UHRF1: variants seen among roughly 807,000 people sequenced by gnomAD.
UHRF1 encodes E3 ubiquitin-protein ligase UHRF1.
In UHRF1, 9 loss-of-function variants were observed where a neutral mutation model predicts 96.5. The ratio of observed to expected loss-of-function variants is 0.09; its 90% CI spans 0.06 to 0.16. The LOEUF (loss-of-function observed/expected upper bound fraction) is 0.16, where lower values mean the gene tolerates loss of function less well. UHRF1 is among the 10% of genes least tolerant of loss of function. The pLI is 1.00. For missense variants in UHRF1, 626 were observed against 1,131.1 expected, an observed-to-expected ratio of 0.55 and a Z score of 6.40; for synonymous variants, 455 against 469.9, an observed-to-expected ratio of 0.97 and a Z score of 0.41.
chr19:4,943,619 G>A (rs532978762), intron 7 of UHRF1, among the ~76,000 whole-genome samples: 1 of 151,908 alleles, frequency 6.6e-6, no homozygotes, highest in African/African-American at 2.4e-5. Flanking sequence ...TGCAAGATCC[G>A]TGGAATTCTC....
intron 16 of UHRF1, among the ~76,000 whole-genome samples, 152 bp from the exon 17 acceptor site, chr19:4,960,505 A>G (rs2033960565): frequency 6.6e-6 from 1 of 152,178 alleles, no homozygotes; most frequent in African/African-American, 2.4e-5. Flanking sequence ...TAGGGGGGCC[A>G]GGCTGGTGAT....
At chr19:4,910,744 G>A in intron 1 of UHRF1, 132 bp from the exon 2 acceptor site, 1 of 1,100,554 alleles carries the variant, frequency 9.1e-7, no homozygotes. Context: ...CTGTACAGGA[G>A]GACTGGAAGG....
intron 2 of UHRF1, among the ~76,000 whole-genome samples, chr19:4,917,351 T>G (rs561266159): frequency 1.1e-4 from 17 of 151,682 alleles, no homozygotes; most frequent in Non-Finnish European, 2.1e-4. Context: ...TTTTTTTGCC[T>G]TTAAGGGAGA....
chr19:4,952,557 C>G (rs537978848), intron 13 of UHRF1, among the ~76,000 whole-genome samples: 1 of 151,654 alleles, frequency 6.6e-6, no homozygotes, highest in African/African-American at 2.4e-5. Flanking sequence ...CCATGCCCAG[C>G]TATTTTTGTA....
chr19:4,919,652 G>C (rs866835836), intron 2 of UHRF1, among the ~76,000 whole-genome samples: 1 of 151,900 alleles, frequency 6.6e-6, no homozygotes, highest in Non-Finnish European at 1.5e-5. Flanking sequence ...ACGGCAAGTG[G>C]GTTTTAGATT....
chr19:4,916,631 G>A (rs186294891), intron 2 of UHRF1, among the ~76,000 whole-genome samples: 4 of 152,274 alleles, frequency 2.6e-5, no homozygotes, highest in East Asian at 3.9e-4. Context: ...CCCTCGCGGC[G>A]CCGTCCACGC....
intron 2 of UHRF1, among the ~76,000 whole-genome samples, chr19:4,920,779 A>G (rs891467428): frequency 1.3e-5 from 2 of 152,182 alleles, no homozygotes; most frequent in African/African-American, 4.8e-5. Flanking sequence ...CATCATAGGT[A>G]CAGGAATTTC....
intron 2 of UHRF1, among the ~76,000 whole-genome samples, chr19:4,928,331 G>C (rs1191851974): frequency 1.3e-5 from 2 of 152,010 alleles, no homozygotes; most frequent in South Asian, 2.1e-4. Flanking sequence ...TCATCAGGAG[G>C]GGGGGGTCCT....
At chr19:4,947,552 G>A (rs2033606036) in intron 11 of UHRF1, among the ~76,000 whole-genome samples, 1 of 126,222 alleles carries the variant, frequency 7.9e-6, no homozygotes, top group Non-Finnish European at 1.6e-5. Context: ...CCAGGCTAGA[G>A]TGCAGTGGTG....
intron 2 of UHRF1, among the ~76,000 whole-genome samples, chr19:4,917,482 C>G (rs1441405359): frequency 6.6e-6 from 1 of 151,492 alleles, no homozygotes; most frequent in African/African-American, 2.4e-5. Context: ...GGTGAAACCC[C>G]ATCTTTACTA....
At chr19:4,909,373 G>A, upstream of UHRF1, 1 of 615,732 alleles carries the variant, frequency 1.6e-6, no homozygotes, top group Non-Finnish European at 2.9e-6. Flanking sequence ...CAGAGGCGGG[G>A]GCGCCCCCCA....
At chr19:4,939,551 G>A (rs1444973729) in intron 5 of UHRF1, among the ~76,000 whole-genome samples, 1 of 152,014 alleles carries the variant, frequency 6.6e-6, no homozygotes, top group Non-Finnish European at 1.5e-5. Context: ...ATTTGTCCCA[G>A]GAGTTCCAAA....
At chr19:4,926,727 T>C (rs570194870) in intron 2 of UHRF1, among the ~76,000 whole-genome samples, 125 of 151,388 alleles carry the variant, frequency 8.3e-4, no homozygotes, top group Non-Finnish European at 1.3e-3. Flanking sequence ...ATTGCACCAC[T>C]GCCCTCCATC....
intron 2 of UHRF1, among the ~76,000 whole-genome samples, chr19:4,915,382 C>T (rs892444581): frequency 2.6e-5 from 4 of 152,164 alleles, no homozygotes; most frequent in East Asian, 3.9e-4. Context: ...ATCTGTAAAC[C>T]GGTGGGCGTG....
intron 13 of UHRF1, among the ~76,000 whole-genome samples, chr19:4,952,437 C>T (rs1460350075): frequency 6.9e-6 from 1 of 144,078 alleles, no homozygotes; most frequent in African/African-American, 2.6e-5. Context: ...ACTCTGTCGC[C>T]CAGGCTGGAG....
At chr19:4,957,509 C>T (rs181121543) in intron 16 of UHRF1, among the ~76,000 whole-genome samples, 7 of 152,132 alleles carry the variant, frequency 4.6e-5, no homozygotes, top group Non-Finnish European at 8.8e-5. Flanking sequence ...GGGGTTTCAC[C>T]GTGTTAGCCA....
intron 5 of UHRF1, among the ~76,000 whole-genome samples, chr19:4,934,394 G>A (rs1469050775): frequency 1.3e-5 from 2 of 152,076 alleles, no homozygotes; most frequent in Non-Finnish European, 2.9e-5. Flanking sequence ...ACGCATTTAC[G>A]TTGTTACGCA....
intron 2 of UHRF1, among the ~76,000 whole-genome samples, chr19:4,927,129 C>T (rs1312839218): frequency 1.3e-5 from 2 of 151,842 alleles, no homozygotes; most frequent in Non-Finnish European, 2.9e-5. Flanking sequence ...GCTGTAATCC[C>T]AGCTCTTTGG....
At chr19:4,916,127 G>C (rs2032489326) in intron 2 of UHRF1, among the ~76,000 whole-genome samples, 1 of 151,990 alleles carries the variant, frequency 6.6e-6, no homozygotes, top group Non-Finnish European at 1.5e-5. Context: ...GGGCCATGTA[G>C]CAAGACCCCG....
Sources: allele counts gnomAD v4.1 joint callset (sites outside exome capture counted in the v4.1 genomes callset), GRCh38; gene constraint gnomAD v4.1.1; transcripts MANE v1.5; gene names NCBI Gene and HGNC (gene_info 2026-07-23, HGNC 2026-07-21).